Variants in FDXR observed in about 807,000 individuals in gnomAD.
The protein encoded by FDXR is ferredoxin reductase.
In FDXR, 38 loss-of-function variants were observed where a neutral mutation model predicts 58.3. The ratio of observed to expected loss-of-function variants is 0.65; its 90% CI spans 0.50 to 0.85. The LOEUF (loss-of-function observed/expected upper bound fraction) is 0.85, where lower values mean the gene tolerates loss of function less well. Among genes scored for constraint, FDXR ranks in the 40% least tolerant of loss-of-function variants. The pLI, the probability that FDXR is intolerant of heterozygous loss-of-function variation, is 0.00. For synonymous variants in FDXR, 275 were observed against 273.8 expected (o/e 1.00, Z -0.04); for missense variants, 624 against 671.0 (o/e 0.93, Z 0.77).
intron 10 of FDXR, 51 bp downstream of exon 10, chr17:74,863,845 T>C (rs1386819919): frequency 6.4e-7 from 1 of 1,570,776 alleles, no homozygotes; most frequent in Admixed American, 1.7e-5. Flanking sequence ...AGATACCAGC[T>C]TCTCGGCCTC....
intron 5 of FDXR, 75 bp from the exon 6 acceptor site, chr17:74,865,895 G>T (rs2038162338): frequency 8.2e-7 from 1 of 1,213,926 alleles, no homozygotes; most frequent in Non-Finnish European, 1.2e-6. Flanking sequence ...GGTGCCTCAT[G>T]CCTGGTCCCC....
At chr17:74,865,436 T>C (rs887520806) in intron 6 of FDXR, among the ~76,000 whole-genome samples, 2 of 151,992 alleles carry the variant, frequency 1.3e-5, no homozygotes, top group Non-Finnish European at 2.9e-5. Flanking sequence ...GAACTTTAAC[T>C]GTTAACTGGT....
At chr17:74,870,425 G>A (rs979811495) in intron 2 of FDXR, among the ~76,000 whole-genome samples, 1 of 147,986 alleles carries the variant, frequency 6.8e-6, no homozygotes, top group Admixed American at 6.9e-5. Flanking sequence ...GCTGAGGCAG[G>A]AGAATCGCTT....
chr17:74,865,571 C>T (rs2038145836), intron 6 of FDXR, 148 bp downstream of exon 6: 2 of 600,464 alleles, frequency 3.3e-6, no homozygotes, highest in Non-Finnish European at 5.9e-6. Flanking sequence ...ATGGCACTGC[C>T]CTTCAGAGAG....
At chr17:74,863,361 CAGA>C in intron 10 of FDXR, 115 bp from the exon 11 acceptor site, 1 of 1,032,542 alleles carries the variant, frequency 9.7e-7, no homozygotes, top group East Asian at 2.6e-5. Flanking sequence ...CGCCTCTTGG[CAGA>C]CTGTCGGCTG....
chr17:74,865,669 C>T (rs1332484892), intron 6 of FDXR, 50 bp downstream of exon 6: 2 of 1,318,276 alleles, frequency 1.5e-6, no homozygotes, highest in Non-Finnish European at 2.1e-6. Flanking sequence ...GGCACTCTCT[C>T]CTCAGGGTGA....
chr17:74,868,619 C>T (rs2038272487), intron 2 of FDXR: 3 of 1,535,706 alleles, frequency 2.0e-6, no homozygotes, highest in Non-Finnish European at 2.6e-6. Context: ...TCCAGGGCCA[C>T]CTCCGGAACG....
chr17:74,869,333 G>A (rs979033959), intron 2 of FDXR, among the ~76,000 whole-genome samples: 13 of 152,140 alleles, frequency 8.5e-5, no homozygotes, highest in Admixed American at 2.0e-4. Context: ...AAGATGCCCC[G>A]GGAGACTCTG....
In FDXR at chr17:74,862,712, G is replaced by C. The variant is rs1397595493; in HGVS notation, c.*105C>G. ...AGAGCAGCCAAGCCTCCAAGCCAGG[G>C]CCGGCCGGGATCAGCAGAGGTGCAA... On this transcript the variant is annotated 3_prime_UTR_variant, in exon 12 of 12. Coordinates refer to ENST00000293195, the MANE Select transcript of FDXR (RefSeq NM_024417.5). 9.8e-6 allele frequency: 14 copies of C among 1,431,664 alleles called. No individual in the cohort carries two copies. Among genetic ancestry groups the C allele is most frequent in the Non-Finnish European group, 1.2e-5 (13 of 1,075,610 alleles). 88.7% of individuals were successfully genotyped at this position (1,431,664 alleles called of 1,614,324 possible).
In FDXR at chr17:74,862,945, C is replaced by T. The variant is rs747336046; in HGVS notation, c.1348G>A (p.Val450Ile). ...AIQALLSSRGVRPVSFSDWEK... is the reference protein window; with the variant it reads ...AIQALLSSRGIRPVSFSDWEK... ...CAGTCTGAGAAAGAGACTGGCCGGA[C>T]CCCTGAAGCAGAGGGGAGATTGTCA... Residue 450 changes from valine (V) to isoleucine (I), a missense_variant and splice_region_variant, in exon 12 of 12, where the codon GTC (valine) becomes ATC (isoleucine). Physicochemically the swap from Val to Ile is conservative, Grantham distance 29. Transcript: ENST00000293195. 1.9e-5 allele frequency: 31 copies of T among 1,611,636 alleles called. No homozygotes were observed. The highest frequency in any genetic ancestry group is 8.3e-5 in the Admixed American group (5 of 60,026).
intron 2 of FDXR, among the ~76,000 whole-genome samples, chr17:74,869,422 C>T (rs1392949618): frequency 6.6e-6 from 1 of 152,188 alleles, no homozygotes; most frequent in Non-Finnish European, 1.5e-5. Flanking sequence ...TCCAAGCCCC[C>T]CAGGATCTGG....
chr17:74,862,897 C>T lies in FDXR; in HGVS notation c.1396G>A (p.Val466Met). 2.5e-6 allele frequency: 4 copies of T among 1,613,224 alleles called. No individual in the cohort carries two copies. Among genetic ancestry groups the T allele is most frequent in the South Asian group, 1.1e-5 (1 of 91,090 alleles). Residue 466 changes from valine to methionine, a missense_variant, in exon 12 of 12, where the codon GTG becomes ATG. Coordinates refer to ENST00000293195, the MANE Select transcript of FDXR (RefSeq NM_024417.5). ...SDWEKLDAEE[V>M]ARGQGTGKPR... is the part of the protein sequence containing the mutation. ...TTCCCCGTGCCCTGGCCCCGGGCCA[C>T]CTCCTCGGCATCCAGCTTCTCCCAG...
chr17:74,862,793 T>C lies in FDXR; in HGVS notation c.*24A>G. On this transcript the variant is annotated 3_prime_UTR_variant, in exon 12 of 12. Transcript: ENST00000293195. The stretch of plus-strand genomic sequence containing the variant: ...CTCCCAACACTCATCCCTTCCCTGC[T>C]GGGGGCCGGGGCTGGGGCTGGGCTC... 1 of 1,596,754 alleles carries C rather than the reference T, an allele frequency of 6.3e-7. No individual in the cohort carries two copies. Among genetic ancestry groups the C allele is most frequent in the Non-Finnish European group, 8.5e-7 (1 of 1,174,368 alleles).
intron 1 of FDXR, chr17:74,872,349 A>T: frequency 7.4e-7 from 1 of 1,355,426 alleles, no homozygotes; most frequent in Non-Finnish European, 1.0e-6. Flanking sequence ...CATCTCACCC[A>T]TGAACCTACT....
chr17:74,868,202 C>T (rs1034962252), intron 2 of FDXR: 1 of 389,806 alleles, frequency 2.6e-6, no homozygotes, highest in South Asian at 3.6e-5. Flanking sequence ...CAAACCACCT[C>T]CCTCAAGCCC....
Position 74,866,119 on chromosome 17 carries a change from C to T in FDXR, c.507+12G>A, listed in dbSNP as rs201386849. The T allele has an allele frequency of 1.9e-6, 3 of 1,592,938 alleles. No individual in the cohort carries two copies. The highest frequency in any genetic ancestry group is 2.2e-5 in the East Asian group (1 of 44,788). ...GGGAGGAAGAGGCAGCGGGCGTGCT[C>T]CCCATACTCACCTCCTGGTTCTCAG... On this transcript the variant is annotated intron_variant, in intron 5 of 11. Transcript: ENST00000293195.
chr17:74,863,991 A>T lies in FDXR; in HGVS notation c.1079T>A (p.Ile360Asn). The T allele has an allele frequency of 6.2e-7, 1 of 1,613,952 alleles. No individual in the cohort carries two copies. Among genetic ancestry groups the T allele is most frequent in the Non-Finnish European group, 8.5e-7 (1 of 1,180,010 alleles). Residue 360 changes from isoleucine (I) to asparagine (N), a missense_variant, in exon 10 of 12, where the codon ATT becomes AAT. By Grantham distance (149) the Ile-to-Asn change is moderately radical. Transcript: ENST00000293195. ...DLPCGLVLSS[I>N]GYKSRPVDPS... ...GTCGACAGGGCGGCTCTTATACCCA[A>T]TGCTGCTGAGCACCAGCCCACAAGG...
chr17:74,866,093 G>A (rs377030891), intron 5 of FDXR, 38 bp downstream of exon 5: 43 of 1,449,242 alleles, frequency 3.0e-5, no homozygotes, highest in East Asian at 3.0e-4. Context: ...GCTGAGGGGC[G>A]GGGAGGAAGA....
chr17:74,864,050 G>GGA lies in FDXR; in HGVS notation c.1019_1020insTC (p.Arg341ProfsTer60), dbSNP rs1327430794. 4 of 1,613,962 alleles carry GGA rather than the reference G, an allele frequency of 2.5e-6. No individual in the cohort carries two copies. The South Asian group carries it at 4.4e-5, about 18-fold the overall frequency. Reference sequence around the variant, plus strand: ...CCATGTCTCCCGTGGGCACTGCACGGGTGGCCTCATCGACACCCTGTTGGG... The same window carrying GGA: ...CCATGTCTCCCGTGGGCACTGCACGGGAGTGGCCTCATCGACACCCTGTTGGG... On this transcript the variant is annotated frameshift_variant, in exon 10 of 12. Transcript: ENST00000293195. LOFTEE classifies it high-confidence loss of function.
Sources: gnomAD v4.1 joint callset for allele counts (sites outside exome capture counted in the v4.1 genomes callset) on GRCh38, gnomAD v4.1.1 for gene constraint, MANE v1.5 for transcripts, NCBI Gene and HGNC (gene_info 2026-07-23, HGNC 2026-07-21) for gene names.